The following POLR3G variants were observed in gnomAD, a reference collection of about 807,000 sequenced individuals.
POLR3G encodes DNA-directed RNA polymerase III subunit RPC7.
POLR3G carries 28 observed loss-of-function variants against 30.1 expected under a neutral mutation model. That is an observed-to-expected ratio of 0.93 (90% CI 0.69 to 1.27). The LOEUF (loss-of-function observed/expected upper bound fraction) is 1.27, where lower values mean the gene tolerates loss of function less well. Ranked by LOEUF, POLR3G falls within the 50% of genes most tolerant of loss-of-function variation. The pLI, the probability that POLR3G is intolerant of heterozygous loss-of-function variation, is 0.00. For missense variants in POLR3G, 254 were observed against 264.6 expected (o/e 0.96, Z 0.28); for synonymous variants, 79 against 82.5 (o/e 0.96, Z 0.23).
At chr5:90,505,353 G>T (rs541534881) in intron 6 of POLR3G, among the ~76,000 whole-genome samples, 1 of 152,190 alleles carries the variant, frequency 6.6e-6, no homozygotes, top group East Asian at 1.9e-4. Context: ...TGGAAAACTT[G>T]TGAAATTCTA....
At chr5:90,474,344 A>C (rs1289120484), upstream of POLR3G, 1 of 1,530,704 alleles carries the variant, frequency 6.5e-7, no homozygotes, top group Non-Finnish European at 9.0e-7. Context: ...CGAGTCTCCC[A>C]CAGGCTGTCC....
At position 90,514,237 on chromosome 5, in the gene POLR3G, AATT is replaced by A. The variant is rs1366902971; in HGVS notation, c.*2102_*2104del. Reference sequence around the variant, plus strand: ...TCTGGCTTAAAATCTGGGACTGTGAAATTATTCCATAGGAAAGTGAATGTTATT... The same window carrying A: ...TCTGGCTTAAAATCTGGGACTGTGAAATTCCATAGGAAAGTGAATGTTATT... On this transcript the variant is annotated 3_prime_UTR_variant, in exon 8 of 8. Coordinates refer to ENST00000651687, the MANE Select transcript of POLR3G (RefSeq NM_006467.3). 6.6e-6 allele frequency: 1 copy of A among 152,174 alleles called. No homozygotes were observed. Among genetic ancestry groups the A allele is most frequent in the African/African-American group, 2.4e-5 (1 of 41,450 alleles). 9.4% of individuals were successfully genotyped at this position (152,174 alleles called of 1,614,324 possible). A position where few individuals can be genotyped will look rare whatever the true frequency, so the allele number is the denominator to read the frequency against.
At chr5:90,494,814 T>G (rs1751904572) in intron 3 of POLR3G, among the ~76,000 whole-genome samples, 1 of 152,068 alleles carries the variant, frequency 6.6e-6, no homozygotes, top group Non-Finnish European at 1.5e-5. Flanking sequence ...TGAAATTAAC[T>G]TAAAAATATT....
chr5:90,477,646 CTA>C (rs1349769576), intron 1 of POLR3G, among the ~76,000 whole-genome samples: 1 of 152,202 alleles, frequency 6.6e-6, no homozygotes, highest in African/African-American at 2.4e-5. Flanking sequence ...CCTCTAGCTT[CTA>C]TGTCTGCTTC....
intron 3 of POLR3G, among the ~76,000 whole-genome samples, chr5:90,489,130 T>C (rs1751592825): frequency 6.6e-6 from 1 of 152,240 alleles, no homozygotes; most frequent in African/African-American, 2.4e-5. Context: ...GGAAGCCTTA[T>C]GTAATGATCT....
chr5:90,482,322 C>T (rs1021367003), intron 1 of POLR3G, among the ~76,000 whole-genome samples: 5 of 152,146 alleles, frequency 3.3e-5, no homozygotes, highest in African/African-American at 4.8e-5. Context: ...CATTCTTGGG[C>T]GTGAAACCAC....
intron 4 of POLR3G, among the ~76,000 whole-genome samples, chr5:90,497,206 A>G (rs756225157): frequency 1.8e-4 from 27 of 152,082 alleles, no homozygotes; most frequent in Non-Finnish European, 2.6e-4. Context: ...AGATATTACA[A>G]TTGTTTATTT....
At chr5:90,502,051 GCT>G in intron 6 of POLR3G, 63 bp downstream of exon 6, 10 of 1,564,904 alleles carry the variant, frequency 6.4e-6, no homozygotes, top group Non-Finnish European at 8.6e-6. Context: ...ACCTCGTTTT[GCT>G]CTGTTTCAAC....
At chr5:90,502,898 G>A (rs886821902) in intron 6 of POLR3G, among the ~76,000 whole-genome samples, 3 of 149,298 alleles carry the variant, frequency 2.0e-5, no homozygotes, top group African/African-American at 7.5e-5. Flanking sequence ...GTTTCATCTA[G>A]TGTTTTGCTG....
At chr5:90,510,346 C>T (rs181298899) in intron 7 of POLR3G, among the ~76,000 whole-genome samples, 5 of 152,070 alleles carry the variant, frequency 3.3e-5, no homozygotes, top group Admixed American at 1.3e-4. Context: ...CCACTGCACT[C>T]CAGCCTGGGT....
Position 90,506,636 on chromosome 5 carries a change from G to T in POLR3G, c.547G>T (p.Ala183Ser). 6.2e-7 allele frequency: 1 copy of T among 1,612,644 alleles called. No individual in the cohort carries two copies. The highest frequency in any genetic ancestry group is 8.5e-7 in the Non-Finnish European group (1 of 1,179,216). The change falls in exon 7 of 8, where the codon GCA (alanine) becomes TCA (serine). Residue 183 changes from alanine to serine, a missense_variant. Transcript: ENST00000651687. ...EGDDDDDDDAAEQEEYDEEEQ... is the reference protein window; with the variant it reads ...EGDDDDDDDASEQEEYDEEEQ... ...TGATGATGACGATGACGATGATGCCGCAGAACAGGAGGAATATGATGAAGA... is the reference window on the plus strand; with the variant it reads ...TGATGATGACGATGACGATGATGCCTCAGAACAGGAGGAATATGATGAAGA...
intron 1 of POLR3G, among the ~76,000 whole-genome samples, chr5:90,476,510 G>A (rs963485287): frequency 6.6e-6 from 1 of 152,202 alleles, no homozygotes; most frequent in Non-Finnish European, 1.5e-5. Flanking sequence ...TACTTTTAGG[G>A]CATTCTCAGC....
At chr5:90,511,214 T>C (rs1752724734) in intron 7 of POLR3G, among the ~76,000 whole-genome samples, 1 of 152,174 alleles carries the variant, frequency 6.6e-6, no homozygotes, top group African/African-American at 2.4e-5. Context: ...CAGTATGGAT[T>C]CAAAAATAAG....
In POLR3G at chr5:90,514,477, T is replaced by TATA. The variant is rs1327878243; in HGVS notation, c.*2339_*2341dup. On this transcript the variant is annotated 3_prime_UTR_variant, in exon 8 of 8. Coordinates refer to ENST00000651687, the MANE Select transcript of POLR3G (RefSeq NM_006467.3). ...TTGTTAGAGAAAACTAATTTGTTAATATAGATCTTAACTAGTAACTATTAA... is the reference window on the plus strand; with the variant it reads ...TTGTTAGAGAAAACTAATTTGTTAATATAATAGATCTTAACTAGTAACTATTAA... 1 of 152,216 alleles carries TATA rather than the reference T, an allele frequency of 6.6e-6. No homozygotes were observed. Among genetic ancestry groups the TATA allele is most frequent in the Non-Finnish European group, 1.5e-5 (1 of 68,038 alleles). 9.4% of individuals were successfully genotyped at this position (152,216 alleles called of 1,614,324 possible). A position where few individuals can be genotyped will look rare whatever the true frequency, so the allele number is the denominator to read the frequency against.
In POLR3G at chr5:90,513,146, C is replaced by T. The variant is rs1026974934; in HGVS notation, c.*1007C>T. ...TTTGGGAAAAAATACCTAAAAACCT[C>T]AGCCTACAAAGACTCTCAGAAATGC... On this transcript the variant is annotated 3_prime_UTR_variant, in exon 8 of 8. Coordinates refer to ENST00000651687, the MANE Select transcript of POLR3G (RefSeq NM_006467.3). 1 of 152,476 alleles carries T rather than the reference C, an allele frequency of 6.6e-6. No homozygotes were observed. The highest frequency in any genetic ancestry group is 1.5e-5 in the Non-Finnish European group (1 of 67,964). 9.4% of individuals were successfully genotyped at this position (152,476 alleles called of 1,614,324 possible). A position where few individuals can be genotyped will look rare whatever the true frequency, so the allele number is the denominator to read the frequency against.
chr5:90,503,512 A>G (rs539796546), intron 6 of POLR3G, among the ~76,000 whole-genome samples: 8 of 152,196 alleles, frequency 5.3e-5, no homozygotes, highest in Non-Finnish European at 1.0e-4. Context: ...TGCTAAGATG[A>G]CATGTGCCGT....
chr5:90,488,115 C>G lies in POLR3G; in HGVS notation c.233C>G (p.Pro78Arg). The change falls in exon 3 of 8, where the codon CCT (proline) becomes CGT (arginine). Residue 78 changes from proline (P) to arginine (R), a missense_variant. Coordinates refer to ENST00000651687, the MANE Select transcript of POLR3G (RefSeq NM_006467.3). Reference protein sequence around the residue: ...MKRMPYFIETPEERQDIERYS... With the variant: ...MKRMPYFIETREERQDIERYS... ...AGAATGCCTTATTTTATTGAAACAC[C>G]TGAAGAAAGACAAGGTACTGTATTG... is the stretch of plus-strand genomic sequence containing the variant. 3.7e-6 allele frequency: 6 copies of G among 1,609,454 alleles called. No individual in the cohort carries two copies. The highest frequency in any genetic ancestry group is 5.1e-6 in the Non-Finnish European group (6 of 1,178,128).
At chr5:90,493,368 T>TC (rs1353044093) in intron 3 of POLR3G, among the ~76,000 whole-genome samples, 1 of 151,924 alleles carries the variant, frequency 6.6e-6, no homozygotes, top group African/African-American at 2.4e-5. Context: ...CACCGTAGCC[T>TC]CCCAAGTAGC....
intron 7 of POLR3G, among the ~76,000 whole-genome samples, chr5:90,508,915 G>T (rs1443951696): frequency 1.3e-5 from 2 of 152,142 alleles, no homozygotes; most frequent in Non-Finnish European, 2.9e-5. Context: ...TAAAAAATTA[G>T]CCAGGCGTGG....
Sources: gnomAD v4.1 joint callset for allele counts (sites outside exome capture counted in the v4.1 genomes callset) on GRCh38, gnomAD v4.1.1 for gene constraint, MANE v1.5 for transcripts, NCBI Gene and HGNC (gene_info 2026-07-23, HGNC 2026-07-21) for gene names.